FLT1: variants seen among roughly 807,000 people sequenced by gnomAD.
FLT1 encodes the protein fms related receptor tyrosine kinase 1, also known as vascular endothelial growth factor receptor 1.
In FLT1, 49 loss-of-function variants were observed where a neutral mutation model predicts 156.3. The ratio of observed to expected loss-of-function variants is 0.31; its 90% CI spans 0.25 to 0.40. FLT1 has a LOEUF of 0.40. FLT1 is among the 10% of genes least tolerant of loss of function. The pLI, the probability that FLT1 is intolerant of heterozygous loss-of-function variation, is 1.00. For synonymous variants in FLT1, 594 were observed against 583.8 expected, an observed-to-expected ratio of 1.02 and a Z score of -0.25; for missense variants, 1,322 against 1,637.2, an observed-to-expected ratio of 0.81 and a Z score of 3.32.
chr13:28,468,877 T>C (rs1328616751), intron 1 of FLT1, among the ~76,000 whole-genome samples: 1 of 152,246 alleles, frequency 6.6e-6, no homozygotes, highest in African/African-American at 2.4e-5. Flanking sequence ...CAGATATTTC[T>C]TTACAGCAAT....
At chr13:28,458,735 G>A (rs1879404451) in intron 3 of FLT1, among the ~76,000 whole-genome samples, 1 of 152,184 alleles carries the variant, frequency 6.6e-6, no homozygotes, top group South Asian at 2.1e-4. Context: ...AAGATATCAA[G>A]AATGTCTTCC....
Position 28,434,079 on chromosome 13 carries a change from TTGTCTTATACAAA to T in FLT1, c.642_654del (p.His214GlnfsTer13). 6.2e-7 allele frequency: 1 copy of T among 1,614,212 alleles called. No homozygotes were observed. Among genetic ancestry groups the T allele is most frequent in the South Asian group, 1.1e-5 (1 of 91,082 alleles). On this transcript the variant is annotated frameshift_variant, in exon 5 of 30. Coordinates refer to ENST00000282397, the MANE Select transcript of FLT1 (RefSeq NM_002019.4). LOFTEE classifies it high-confidence loss of function. ...TTACTTTGTCGATGTGTGAGATAGT[TTGTCTTATACAAA>T]TGCCCATTGACTGTTGCTTCACAGG...
At chr13:28,475,865 A>G (rs1178279510) in intron 1 of FLT1, among the ~76,000 whole-genome samples, 1 of 152,188 alleles carries the variant, frequency 6.6e-6, no homozygotes, top group Non-Finnish European at 1.5e-5. Context: ...TGCTTTGATG[A>G]AGAGCATTAT....
intron 25 of FLT1, among the ~76,000 whole-genome samples, chr13:28,316,704 T>C (rs1040942873): frequency 6.6e-6 from 1 of 151,270 alleles, no homozygotes; most frequent in African/African-American, 2.4e-5. Flanking sequence ...AGTGGCGTGA[T>C]CTTGGCTCAC....
Position 28,306,707 on chromosome 13 carries a change from G to C in FLT1, c.3786C>G (p.Asp1262Glu), listed in dbSNP as rs1156625069. 1 of 1,613,834 alleles carries C rather than the reference G, an allele frequency of 6.2e-7. No individual in the cohort carries two copies. The highest frequency in any genetic ancestry group is 8.5e-7 in the Non-Finnish European group (1 of 1,179,730). Residue 1262 changes from aspartate (D) to glutamate (E), a missense_variant, in exon 29 of 30, where the codon GAC (aspartate) becomes GAG (glutamate). Physicochemically the swap from Asp to Glu is conservative, Grantham distance 45 (BLOSUM62 2). Coordinates refer to ENST00000282397, the MANE Select transcript of FLT1 (RefSeq NM_002019.4). ...SPMLKRFTWT[D>E]SKPKASLKID... ...TCTTGAGCGAGGCCTTGGGTTTGCT[G>C]TCAGTCCAGGTGAAGCGCTTCAGCA... is the stretch of plus-strand genomic sequence containing the variant.
Position 28,467,456 on chromosome 13 carries a change from G to T in FLT1, c.161+65C>A, listed in dbSNP as rs77616576. 1.9e-3 allele frequency: 2,014 copies of T among 1,080,984 alleles called. 34 individuals carry two copies. The East Asian group carries it at 0.044, about 24-fold the overall frequency. 67.0% of individuals were successfully genotyped at this position (1,080,984 alleles called of 1,614,324 possible). A position where few individuals can be genotyped will look rare whatever the true frequency, so the allele number is the denominator to read the frequency against. On this transcript the variant is annotated intron_variant, in intron 2 of 29. Transcript: ENST00000282397. ...ACTGAGGTCCCTACCTTTTTACTCT[G>T]CCAGGGAATGATTTTGCCTTAGGCA...
At position 28,309,061 on chromosome 13, in the gene FLT1, C is replaced by T. The variant is rs762723036; in HGVS notation, c.3636-134G>A. 1.8e-5 allele frequency: 12 copies of T among 656,732 alleles called. No individual in the cohort carries two copies. In the East Asian group the frequency reaches 2.0e-4, roughly 11 times the overall value. The allele number at this position is 656,732 out of a possible 1,614,324, so 40.7% of individuals were successfully genotyped here. A position where few individuals can be genotyped will look rare whatever the true frequency, so the allele number is the denominator to read the frequency against. On this transcript the variant is annotated intron_variant, in intron 27 of 29. Transcript: ENST00000282397. ...AGGAATCACCTAACTCCTGAGGCCC[C>T]GATCTCCCCGCCGTGACCCCTGGGA...
At chr13:28,469,907 T>C (rs750518074) in intron 1 of FLT1, among the ~76,000 whole-genome samples, 16 of 152,006 alleles carry the variant, frequency 1.1e-4, no homozygotes, top group Non-Finnish European at 2.4e-4. Context: ...GTGCGCATCA[T>C]CAGCGTGGCT....
chr13:28,475,682 A>G (rs2137643818), intron 1 of FLT1, among the ~76,000 whole-genome samples: 1 of 152,346 alleles, frequency 6.6e-6, no homozygotes, highest in Non-Finnish European at 1.5e-5. Context: ...GCTTATTCTT[A>G]TAGGGCTCTG....
At chr13:28,316,385 C>CT (rs2138820742) in intron 25 of FLT1, among the ~76,000 whole-genome samples, 1 of 152,384 alleles carries the variant, frequency 6.6e-6, no homozygotes, top group African/African-American at 2.4e-5. Context: ...GGGAGGGCCC[C>CT]TGCCAGTTCA....
In FLT1 at chr13:28,322,172, G is replaced by A; in HGVS notation, c.3051+90C>T. 1.2e-6 allele frequency: 1 copy of A among 840,526 alleles called. No individual in the cohort carries two copies. Among genetic ancestry groups the A allele is most frequent in the Non-Finnish European group, 2.1e-6 (1 of 483,118 alleles). The allele number at this position is 840,526 out of a possible 1,614,324, so 52.1% of individuals were successfully genotyped here. A position where few individuals can be genotyped will look rare whatever the true frequency, so the allele number is the denominator to read the frequency against. On this transcript the variant is annotated intron_variant, in intron 22 of 29. Transcript: ENST00000282397. The surrounding 1 kb of genome is among the most constrained non-coding windows in gnomAD (Gnocchi z 4.3). ...GTTTGTTCTACATTTAAGAACATAG[G>A]TATCAGCAAATACTAGGAAAAATGA... is the stretch of plus-strand genomic sequence containing the variant.
intron 23 of FLT1, among the ~76,000 whole-genome samples, chr13:28,320,797 A>G (rs886888834): frequency 2.0e-5 from 3 of 152,050 alleles, no homozygotes; most frequent in African/African-American, 4.8e-5. Context: ...TGTATGTTCA[A>G]TTAAGCTGGG....
Position 28,322,217 on chromosome 13 carries a change from G to C in FLT1, c.3051+45C>G. On this transcript the variant is annotated intron_variant, in intron 22 of 29. Coordinates refer to ENST00000282397, the MANE Select transcript of FLT1 (RefSeq NM_002019.4). The surrounding 1 kb of genome is among the most constrained non-coding windows in gnomAD (Gnocchi z 4.3). ...AAATGAATTTATAGCAAAGGTGTGT[G>C]TCCAGCCCTGGCAGAGAAGAAAAAC... The C allele has an allele frequency of 8.8e-7, 1 of 1,134,708 alleles. No homozygotes were observed. The highest frequency in any genetic ancestry group is 1.3e-6 in the Non-Finnish European group (1 of 742,626). The allele number at this position is 1,134,708 out of a possible 1,614,324, so 70.3% of individuals were successfully genotyped here.
At chr13:28,389,543 T>A (rs1474225794) in intron 13 of FLT1, 7 of 1,431,052 alleles carry the variant, frequency 4.9e-6, no homozygotes, top group African/African-American at 1.4e-5. Flanking sequence ...CCCCTCGGCC[T>A]GAATGGGGGG....
intron 14 of FLT1, chr13:28,368,129 G>C: frequency 1.5e-6 from 1 of 679,860 alleles, no homozygotes; most frequent in Non-Finnish European, 1.8e-6. Flanking sequence ...AATAAAAAGT[G>C]AATTTTGTCT....
In FLT1 at chr13:28,467,117, G is replaced by A. The variant is rs748543086; in HGVS notation, c.174C>T (p.Ala58=). The change falls in exon 3 of 30, where the codon GCC becomes GCT. Residue 58 remains alanine, a synonymous_variant. Coordinates refer to ENST00000282397, the MANE Select transcript of FLT1 (RefSeq NM_002019.4). The stretch of plus-strand genomic sequence containing the variant: ...CCATTTCAGGCAAAGACCATTTATG[G>A]GCTGCTTCCCCCCTGCAATCACAGA... The part of the protein sequence containing the change: ...TLHLQCRGEA[A]HKWSLPEMVS... 9.3e-6 allele frequency: 15 copies of A among 1,613,312 alleles called. No homozygotes were observed. Among genetic ancestry groups the A allele is most frequent in the South Asian group, 3.3e-5 (3 of 91,062 alleles).
At chr13:28,403,196 G>A (rs368640906) in intron 11 of FLT1, among the ~76,000 whole-genome samples, 7 of 152,102 alleles carry the variant, frequency 4.6e-5, no homozygotes, top group Admixed American at 3.9e-4. Context: ...GCTGAGAGAG[G>A]TGAGCTGGTT....
chr13:28,452,357 T>G (rs1047874063), intron 3 of FLT1, among the ~76,000 whole-genome samples: 1 of 152,190 alleles, frequency 6.6e-6, no homozygotes, highest in African/African-American at 2.4e-5. Context: ...AAGGAATTTC[T>G]CTTATTGGGT....
At chr13:28,449,879 C>G (rs1481099727) in intron 3 of FLT1, among the ~76,000 whole-genome samples, 4 of 152,152 alleles carry the variant, frequency 2.6e-5, no homozygotes, top group Admixed American at 2.6e-4. Flanking sequence ...AAGAGCAGAG[C>G]AAAGGAGAAG....
Sources: allele counts gnomAD v4.1 joint callset (sites outside exome capture counted in the v4.1 genomes callset), GRCh38; gene constraint gnomAD v4.1.1; non-coding constraint Gnocchi (gnomAD v3.1); transcripts MANE v1.5; gene names NCBI Gene and HGNC (gene_info 2026-07-23, HGNC 2026-07-21).